Variants in GRID1 observed in about 807,000 individuals in gnomAD.
The protein encoded by GRID1 is glutamate receptor ionotropic, delta-1.
Under a neutral mutation model 98.0 loss-of-function variants are expected in GRID1, and 28 were observed. The observed-to-expected ratio is 0.29, with a 90% CI of 0.21 to 0.39. The LOEUF is 0.39. GRID1 is among the 10% of genes least tolerant of loss of function. GRID1 has a pLI of 1.00. For synonymous variants in GRID1, 553 were observed against 538.5 expected (o/e 1.03, Z -0.37); for missense variants, 1,111 against 1,340.5 (o/e 0.83, Z 2.67).
chr10:85,935,218 A>G (rs1165329723), intron 4 of GRID1, among the ~76,000 whole-genome samples: 3 of 152,318 alleles, frequency 2.0e-5, no homozygotes, highest in Non-Finnish European at 1.5e-5. Context: ...GATCATACAG[A>G]AAATAAGAGG....
chr10:86,246,151 G>T (rs527978906), intron 2 of GRID1, among the ~76,000 whole-genome samples: 1 of 152,244 alleles, frequency 6.6e-6, no homozygotes, highest in Non-Finnish European at 1.5e-5. Flanking sequence ...GGGAACCAGG[G>T]CCTGTGCTGC....
chr10:85,746,264 G>A (rs568787322), intron 8 of GRID1, among the ~76,000 whole-genome samples: 15 of 152,236 alleles, frequency 9.9e-5, no homozygotes, highest in South Asian at 6.2e-4. Context: ...TAAATGGTAC[G>A]AGTCTTTGGG....
intron 4 of GRID1, among the ~76,000 whole-genome samples, chr10:85,953,886 C>G (rs1842155938): frequency 1.3e-5 from 2 of 152,090 alleles, no homozygotes; most frequent in Non-Finnish European, 1.5e-5. Flanking sequence ...ACAATGTTTT[C>G]CTATTAAGCT....
At chr10:85,750,669 T>C (rs897091634) in intron 8 of GRID1, among the ~76,000 whole-genome samples, 1 of 152,142 alleles carries the variant, frequency 6.6e-6, no homozygotes, top group African/African-American at 2.4e-5. Flanking sequence ...CTGTGGAAGG[T>C]AACATAGCAC....
At chr10:85,711,772 A>T (rs1407945804) in intron 12 of GRID1, among the ~76,000 whole-genome samples, 3 of 151,846 alleles carry the variant, frequency 2.0e-5, no homozygotes, top group Non-Finnish European at 4.4e-5. Flanking sequence ...AATATAGAAG[A>T]TTATCTACTG....
chr10:86,340,807 G>A (rs1245752653), intron 2 of GRID1, among the ~76,000 whole-genome samples: 1 of 152,172 alleles, frequency 6.6e-6, no homozygotes, highest in Non-Finnish European at 1.5e-5. Flanking sequence ...ATGAGGACTG[G>A]AGCGGGAAGC....
intron 2 of GRID1, among the ~76,000 whole-genome samples, chr10:86,352,396 T>C (rs1369430502): frequency 1.3e-5 from 2 of 152,086 alleles, no homozygotes; most frequent in Non-Finnish European, 2.9e-5. Flanking sequence ...CATAGACAGG[T>C]GGATTAAACA....
In GRID1 at chr10:86,363,961, G is replaced by A. The variant is rs752999867; in HGVS notation, c.215C>T (p.Pro72Leu). The change falls in exon 2 of 16, where the codon CCA becomes CTA. Residue 72 changes from proline to leucine, a missense_variant. Pro to Leu is a moderately conservative substitution (Grantham distance 98, BLOSUM62 -3). Around this residue, in one of 3 missense-constraint regions of GRID1, gnomAD observed 346 missense variants for 452.3 expected, o/e 0.76. Transcript: ENST00000327946. ...CTCACCTTCCTGCACAGCCTGGAAT[G>A]GGTTGTTGGCCTCGATGACCTTGAT... is the stretch of plus-strand genomic sequence containing the variant. The part of the protein sequence containing the change: ...YSIKVIEANN[P>L]FQAVQEACDL... 31 of 1,614,068 alleles carry A rather than the reference G, an allele frequency of 1.9e-5. No individual in the cohort carries two copies. The highest frequency in any genetic ancestry group is 2.6e-5 in the Non-Finnish European group (31 of 1,179,896).
At chr10:85,644,237 A>C (rs1385347081) in intron 13 of GRID1, 2 of 152,166 alleles carry the variant, frequency 1.3e-5, no homozygotes, top group Non-Finnish European at 2.9e-5. Flanking sequence ...ATACCCATAC[A>C]TTTCTCCAGG....
At chr10:85,816,790 A>AT (rs1393989257) in intron 8 of GRID1, among the ~76,000 whole-genome samples, 2 of 152,114 alleles carry the variant, frequency 1.3e-5, no homozygotes, top group African/African-American at 4.8e-5. Context: ...GTGTTCAAAT[A>AT]ATTTCATCAT....
At chr10:85,976,418 C>T (rs1419724502) in intron 4 of GRID1, among the ~76,000 whole-genome samples, 1 of 152,196 alleles carries the variant, frequency 6.6e-6, no homozygotes, top group Non-Finnish European at 1.5e-5. Context: ...TGAGTGAAGG[C>T]AGGCTGAGCT....
intron 12 of GRID1, among the ~76,000 whole-genome samples, chr10:85,721,333 G>A (rs117051113): frequency 0.036 from 5,502 of 152,206 alleles, 142 homozygotes; most frequent in Non-Finnish European, 0.054. Context: ...TCCAGCAATT[G>A]CACTCTTGGG....
intron 2 of GRID1, among the ~76,000 whole-genome samples, chr10:86,360,216 G>A (rs959379547): frequency 2.6e-5 from 4 of 152,158 alleles, no homozygotes; most frequent in Non-Finnish European, 1.5e-5. Flanking sequence ...GTTACTAGAA[G>A]TAATGTTTAC....
intron 4 of GRID1, among the ~76,000 whole-genome samples, chr10:86,134,533 C>T (rs1844887304): frequency 6.6e-6 from 1 of 152,124 alleles, no homozygotes; most frequent in South Asian, 2.1e-4. Context: ...ACCTCTAATA[C>T]CCTGAAAAGG....
intron 4 of GRID1, among the ~76,000 whole-genome samples, chr10:86,123,641 G>A (rs998096311): frequency 2.0e-5 from 3 of 152,194 alleles, no homozygotes; most frequent in African/African-American, 4.8e-5. Flanking sequence ...AGGTTTGTGT[G>A]GTTGGGGTTT....
intron 4 of GRID1, among the ~76,000 whole-genome samples, chr10:86,098,745 A>C (rs183045003): frequency 6.6e-6 from 1 of 152,288 alleles, no homozygotes; most frequent in East Asian, 1.9e-4. Flanking sequence ...TTTGATTACA[A>C]CTGAAGTTTT....
chr10:85,795,852 A>G (rs1842521953), intron 8 of GRID1, among the ~76,000 whole-genome samples: 1 of 152,240 alleles, frequency 6.6e-6, no homozygotes, highest in Non-Finnish European at 1.5e-5. Flanking sequence ...ACATCTTCCA[A>G]ATGATTCAGA....
chr10:85,779,838 G>A, intron 8 of GRID1, among the ~76,000 whole-genome samples: 1 of 152,212 alleles, frequency 6.6e-6, no homozygotes, highest in East Asian at 1.9e-4. Context: ...AGTTACACAT[G>A]GAAATGATGG....
At chr10:85,919,224 G>A (rs547930902) in intron 4 of GRID1, among the ~76,000 whole-genome samples, 5 of 152,300 alleles carry the variant, frequency 3.3e-5, no homozygotes, top group African/African-American at 9.6e-5. Context: ...GGGAGCCTTG[G>A]CCACCCTAAG....
Sources: allele counts gnomAD v4.1 joint callset (sites outside exome capture counted in the v4.1 genomes callset), GRCh38; gene constraint gnomAD v4.1.1; regional missense constraint gnomAD v4.1.1; transcripts MANE v1.5; gene names NCBI Gene and HGNC (gene_info 2026-07-23, HGNC 2026-07-21).